GLIS3: variants seen among roughly 807,000 people sequenced by gnomAD.
GLIS3 encodes the protein zinc finger protein GLIS3.
A neutral mutation model predicts 78.6 loss-of-function variants in GLIS3; 53 were observed. The ratio of observed to expected loss-of-function variants is 0.67; its 90% CI spans 0.54 to 0.85. GLIS3 has a LOEUF of 0.85. Among genes scored for constraint, GLIS3 ranks in the 40% least tolerant of loss-of-function variants. The pLI is 0.00. For synonymous variants in GLIS3, 684 were observed against 509.9 expected, an observed-to-expected ratio of 1.34 and a Z score of -4.60; for missense variants, 1,703 against 1,231.1, an observed-to-expected ratio of 1.38 and a Z score of -5.74.
In GLIS3 at chr9:3,828,164, C is replaced by T. The variant is rs1817825668; in HGVS notation, c.*108G>A. 4.6e-6 allele frequency: 6 copies of T among 1,304,188 alleles called. No homozygotes were observed. The Admixed American group carries it at 6.8e-5, about 15-fold the overall frequency. 80.8% of individuals were successfully genotyped at this position (1,304,188 alleles called of 1,614,324 possible). On this transcript the variant is annotated 3_prime_UTR_variant, in exon 11 of 11. Coordinates refer to ENST00000381971, the MANE Select transcript of GLIS3 (RefSeq NM_001042413.2). ...AAGAACATCAGTAACTCTGCAGGGC[C>T]CGCTGATTGGGCTGACATCCTTCCT...
the GLIS3 span, among the ~76,000 whole-genome samples, chr9:4,472,850 A>G: frequency 5.3e-5 from 8 of 152,336 alleles, no homozygotes; most frequent in East Asian, 1.2e-3. Flanking sequence ...TATTAAATGA[A>G]CTTAGCAAGA....
chr9:4,115,790 G>A (rs1196764564), intron 4 of GLIS3, among the ~76,000 whole-genome samples: 1 of 152,092 alleles, frequency 6.6e-6, no homozygotes, highest in Non-Finnish European at 1.5e-5. Context: ...TGTTTATTAT[G>A]TGCACTATTA....
rs111433848 is a variant in GLIS3, at chr9:3,868,238, G to A, written c.2297+11189C>T. The stretch of plus-strand genomic sequence containing the variant: ...ACAAATTGCAACCATAAGATGACAC[G>A]CAGTCGTGCAGTGAACTCTTAGTCA... On this transcript the variant is annotated intron_variant, in intron 8 of 10. Transcript: ENST00000381971. Among the ~76,000 whole-genome samples the A allele has an allele frequency of 3.7e-3, 567 of 152,324 alleles. 4 individuals carry two copies. Among genetic ancestry groups the A allele is most frequent in the African/African-American group, 0.013 (549 of 41,580 alleles).
the GLIS3 span, among the ~76,000 whole-genome samples, chr9:4,413,239 G>A: frequency 6.6e-6 from 1 of 152,172 alleles, no homozygotes; most frequent in African/African-American, 2.4e-5. Flanking sequence ...CCAAATCAGG[G>A]TTGTTGGGAA....
At chr9:4,015,388 T>A (rs1407256873) in intron 4 of GLIS3, among the ~76,000 whole-genome samples, 1 of 152,206 alleles carries the variant, frequency 6.6e-6, no homozygotes, top group Non-Finnish European at 1.5e-5. Context: ...TAATGAGATG[T>A]TACCTGTAAA....
At chr9:4,438,695 T>C in the GLIS3 span, among the ~76,000 whole-genome samples, 12 of 152,186 alleles carry the variant, frequency 7.9e-5, no homozygotes, top group African/African-American at 2.9e-4. Context: ...CCCCATGCTG[T>C]TCTCATGGTA....
the GLIS3 span, among the ~76,000 whole-genome samples, chr9:4,356,227 T>C: frequency 1.6e-3 from 249 of 152,320 alleles, no homozygotes; most frequent in South Asian, 3.1e-3. Context: ...CGCTATTGTA[T>C]TCACACTGAG....
chr9:4,459,816 A>T, the GLIS3 span, among the ~76,000 whole-genome samples: 18 of 152,072 alleles, frequency 1.2e-4, no homozygotes, highest in African/African-American at 4.4e-4. Context: ...CTCAAAAAAG[A>T]AAAAAAGAAA....
At chr9:3,861,544 C>T (rs1265915704) in intron 8 of GLIS3, among the ~76,000 whole-genome samples, 1 of 192 alleles carries the variant, frequency 5.2e-3, no homozygotes, top group African/African-American at 0.025. Flanking sequence ...TCCAAATGCC[C>T]ATCAAGATAG....
chr9:3,841,784 A>G (rs1029536480), intron 9 of GLIS3, among the ~76,000 whole-genome samples: 1 of 152,226 alleles, frequency 6.6e-6, no homozygotes, highest in Non-Finnish European at 1.5e-5. Context: ...AACTGAAATA[A>G]TAAACACGAA....
intron 4 of GLIS3, among the ~76,000 whole-genome samples, chr9:4,019,524 C>T (rs376156003): frequency 3.3e-5 from 5 of 152,030 alleles, no homozygotes; most frequent in East Asian, 1.9e-4. Context: ...AACAATGCAG[C>T]GAAGACTTCT....
chr9:4,266,104 G>C (rs1018595958), intron 2 of GLIS3, among the ~76,000 whole-genome samples: 3 of 151,894 alleles, frequency 2.0e-5, no homozygotes, highest in African/African-American at 4.8e-5. Context: ...ATTTTTAGTA[G>C]AGACAAGGTT....
chr9:3,885,975 T>G (rs1375206389), intron 7 of GLIS3, among the ~76,000 whole-genome samples: 1 of 152,214 alleles, frequency 6.6e-6, no homozygotes, highest in Non-Finnish European at 1.5e-5. Context: ...AATACCTCAC[T>G]GGACTGTGAC....
At chr9:4,344,694 T>C (rs1451399679) in intron 2 of GLIS3, among the ~76,000 whole-genome samples, 1 of 152,240 alleles carries the variant, frequency 6.6e-6, no homozygotes, top group Non-Finnish European at 1.5e-5. Context: ...TTCACTTGGA[T>C]GACCAAGAGG....
the GLIS3 span, among the ~76,000 whole-genome samples, chr9:4,429,091 C>A: frequency 1.6e-4 from 25 of 152,170 alleles, no homozygotes; most frequent in Non-Finnish European, 1.6e-4. Context: ...TCTTGTAAGT[C>A]AAAACCAGCC....
rs115731822 is a variant in GLIS3 at position 3,908,154 on chromosome 9, C to T, written c.1984-9319G>A. On this transcript the variant is annotated intron_variant, in intron 6 of 10. Coordinates refer to ENST00000381971, the MANE Select transcript of GLIS3 (RefSeq NM_001042413.2). The stretch of plus-strand genomic sequence containing the variant: ...TTCAGATGTCACTGTGTCCAAACCT[C>T]CATCTTATGCCCAACTTCCCTGACA... Among the ~76,000 whole-genome samples, 1,219 of 152,288 alleles carry T rather than the reference C, an allele frequency of 8.0e-3. 19 individuals are homozygous for T. The highest frequency in any genetic ancestry group is 0.028 in the African/African-American group (1,152 of 41,552).
chr9:4,191,757 G>A (rs1000542825), intron 2 of GLIS3, among the ~76,000 whole-genome samples: 1 of 152,174 alleles, frequency 6.6e-6, no homozygotes, highest in African/African-American at 2.4e-5. Context: ...GAGGAACGTG[G>A]TTTAATCATT....
intron 4 of GLIS3, among the ~76,000 whole-genome samples, chr9:4,061,063 A>AT (rs147437972): frequency 2.3e-3 from 344 of 147,176 alleles, no homozygotes; most frequent in African/African-American, 4.4e-3. Context: ...CTACTGATCC[A>AT]TTTTTTTTTT....
chr9:3,957,597 GAACAGTGATTTTAAATAGAA>G (rs1817222332), intron 4 of GLIS3, among the ~76,000 whole-genome samples: 1 of 152,178 alleles, frequency 6.6e-6, no homozygotes, highest in Non-Finnish European at 1.5e-5. Context: ...CAACACTAGA[GAACAGTGATTTTAAATAGAA>G]GTCACATTTA....
Sources: allele counts gnomAD v4.1 joint callset (sites outside exome capture counted in the v4.1 genomes callset), GRCh38; gene constraint gnomAD v4.1.1; transcripts MANE v1.5; gene names NCBI Gene and HGNC (gene_info 2026-07-23, HGNC 2026-07-21).